BCL11B: variants seen among roughly 807,000 people sequenced by gnomAD.
The protein encoded by BCL11B is B-cell lymphoma/leukemia 11B.
In BCL11B, 8 loss-of-function variants were observed where a neutral mutation model predicts 49.9. That is an observed-to-expected ratio of 0.16 (90% CI 0.09 to 0.29). BCL11B has a LOEUF of 0.29. Among genes scored for constraint, BCL11B ranks in the 10% least tolerant of loss-of-function variants. The probability of loss-of-function intolerance (pLI) is 1.00; values close to 1 mark genes in which losing one functional copy is unlikely to be tolerated. For missense variants in BCL11B, 1,006 were observed against 1,351.0 expected (o/e 0.74, Z 4.00); for synonymous variants, 739 against 637.4 (o/e 1.16, Z -2.40).
At chr14:99,224,277 A>G (rs1888097226) in intron 3 of BCL11B, among the ~76,000 whole-genome samples, 1 of 152,144 alleles carries the variant, frequency 6.6e-6, no homozygotes, top group Non-Finnish European at 1.5e-5. Flanking sequence ...TCTCTGTCCA[A>G]GTTCTGCTAT....
intron 3 of BCL11B, among the ~76,000 whole-genome samples, chr14:99,176,444 G>A (rs935261576): frequency 6.6e-6 from 1 of 152,176 alleles, no homozygotes; most frequent in Non-Finnish European, 1.5e-5. Context: ...TACTTCAATT[G>A]TGTAAGACCC....
At chr14:99,208,010 G>A (rs188486432) in intron 3 of BCL11B, among the ~76,000 whole-genome samples, 2 of 152,198 alleles carry the variant, frequency 1.3e-5, no homozygotes, top group African/African-American at 2.4e-5. Context: ...GATGCACCAC[G>A]CCCAGCACAG....
Position 99,184,251 on chromosome 14 carries a change from C to T in BCL11B, c.641-8056G>A, listed in dbSNP as rs74080338. On this transcript the variant is annotated intron_variant, in intron 3 of 3. Coordinates refer to ENST00000357195, the MANE Select transcript of BCL11B (RefSeq NM_138576.4). This position sits in a 1 kb window ranked among gnomAD's most constrained non-coding sequence, Gnocchi z 6.1. ...CATTCCTGCTTCTTGGAATACCTGC[C>T]GTTTATTCTCTCCCCATAAAATATC... Among the ~76,000 whole-genome samples the T allele has an allele frequency of 0.087, 13,292 of 152,182 alleles. 738 individuals carry two copies. Among genetic ancestry groups the T allele is most frequent in the Non-Finnish European group, 0.12 (8,264 of 67,984 alleles).
intron 3 of BCL11B, among the ~76,000 whole-genome samples, chr14:99,190,854 C>T (rs964586731): frequency 4.6e-5 from 7 of 152,134 alleles, no homozygotes; most frequent in Admixed American, 1.3e-4. Context: ...CCTACAGGTG[C>T]GACTGTGACA....
At chr14:99,182,532 AG>A (rs1313576117) in intron 3 of BCL11B, among the ~76,000 whole-genome samples, 1 of 152,258 alleles carries the variant, frequency 6.6e-6, no homozygotes, top group Non-Finnish European at 1.5e-5. Context: ...CTAGAATTGC[AG>A]TAACTCCATG....
chr14:99,176,773 C>T (rs1188870050), intron 3 of BCL11B, among the ~76,000 whole-genome samples: 2 of 152,240 alleles, frequency 1.3e-5, no homozygotes, highest in East Asian at 3.9e-4. Flanking sequence ...CCCCCGGTTG[C>T]GAGGACCAAA....
At chr14:99,210,836 C>T (rs1196908193) in intron 3 of BCL11B, among the ~76,000 whole-genome samples, 5 of 152,216 alleles carry the variant, frequency 3.3e-5, no homozygotes, top group Admixed American at 1.3e-4. Flanking sequence ...ACCATCACCT[C>T]CTCCTGACTT....
intron 1 of BCL11B, among the ~76,000 whole-genome samples, chr14:99,269,581 G>A (rs1231516908): frequency 6.6e-6 from 1 of 151,200 alleles, no homozygotes; most frequent in Non-Finnish European, 1.5e-5. Context: ...CTGTAACAAA[G>A]GAGAGATGGC....
At chr14:99,233,866 G>C (rs961531544) in intron 2 of BCL11B, among the ~76,000 whole-genome samples, 1 of 152,158 alleles carries the variant, frequency 6.6e-6, no homozygotes, top group Non-Finnish European at 1.5e-5. Flanking sequence ...CCAGGGACCG[G>C]CTCAACTGAG....
chr14:99,270,168 C>T (rs1246737939), intron 1 of BCL11B, among the ~76,000 whole-genome samples: 1 of 152,086 alleles, frequency 6.6e-6, no homozygotes, highest in Non-Finnish European at 1.5e-5. Flanking sequence ...CTGACTTTGC[C>T]CGCCCAGCCA....
At chr14:99,230,615 C>G (rs1888300348) in intron 3 of BCL11B, among the ~76,000 whole-genome samples, 1 of 152,208 alleles carries the variant, frequency 6.6e-6, no homozygotes, top group Non-Finnish European at 1.5e-5. Flanking sequence ...TGGGGAGAAG[C>G]AGGGCAGGTA....
intron 3 of BCL11B, among the ~76,000 whole-genome samples, chr14:99,217,977 T>A (rs1267142993): frequency 6.6e-6 from 1 of 152,036 alleles, no homozygotes; most frequent in East Asian, 1.9e-4. Flanking sequence ...TATTTTCTTT[T>A]AAAATCTGGA....
chr14:99,187,347 T>C (rs1296173409), intron 3 of BCL11B, among the ~76,000 whole-genome samples: 1 of 152,202 alleles, frequency 6.6e-6, no homozygotes. Context: ...AGGTTGTCTT[T>C]AGAGGTCCCG....
intron 3 of BCL11B, among the ~76,000 whole-genome samples, chr14:99,222,145 G>A (rs1888028278): frequency 6.6e-6 from 1 of 152,154 alleles, no homozygotes. Flanking sequence ...CCCCGACCCT[G>A]CCCTCAGGTT....
chr14:99,206,380 C>T (rs942387923), intron 3 of BCL11B, among the ~76,000 whole-genome samples: 1 of 152,134 alleles, frequency 6.6e-6, no homozygotes, highest in African/African-American at 2.4e-5. Context: ...TTCAGCTACC[C>T]GAGGTTAACC....
At chr14:99,188,852 C>CT (rs1473459393) in intron 3 of BCL11B, among the ~76,000 whole-genome samples, 2 of 152,248 alleles carry the variant, frequency 1.3e-5, no homozygotes, top group Non-Finnish European at 2.9e-5. Context: ...GCCGAGTCTG[C>CT]TGTCGGCCCA....
At chr14:99,265,193 T>A (rs946906011) in intron 1 of BCL11B, among the ~76,000 whole-genome samples, 1 of 152,188 alleles carries the variant, frequency 6.6e-6, no homozygotes, top group Non-Finnish European at 1.5e-5. Flanking sequence ...TCCCCATTAA[T>A]AAATACAAAA....
chr14:99,228,810 C>T lies in BCL11B; in HGVS notation c.640+2535G>A, dbSNP rs557274915. ...ACTCCCTGTCCTCCCCACCACCAGA[C>T]TGCAAGCTGCACGAGGGCAGGGACC... On this transcript the variant is annotated intron_variant, in intron 3 of 3. Coordinates refer to ENST00000357195, the MANE Select transcript of BCL11B (RefSeq NM_138576.4). This position sits in a 1 kb window ranked among gnomAD's most constrained non-coding sequence, Gnocchi z 4.8. 1.2e-4 allele frequency among the ~76,000 whole-genome samples: 18 copies of T among 152,358 alleles called. No individual in the cohort carries two copies. The highest frequency in any genetic ancestry group is 4.3e-4 in the African/African-American group (18 of 41,588).
intron 3 of BCL11B, among the ~76,000 whole-genome samples, chr14:99,199,640 CTGTGTGTGTGTGTGTGTGTGTGTGTG>C (rs79328426): frequency 2.7e-5 from 3 of 109,524 alleles, no homozygotes; most frequent in Admixed American, 2.5e-4. Context: ...TGGCTAAATG[CTGTGTGTGTGTGTGTGTGTGTGTGTG>C]TGTGTGTGTG....
Sources: gnomAD v4.1 joint callset for allele counts (sites outside exome capture counted in the v4.1 genomes callset) on GRCh38, gnomAD v4.1.1 for gene constraint, Gnocchi (gnomAD v3.1) non-coding constraint, MANE v1.5 for transcripts, NCBI Gene and HGNC (gene_info 2026-07-23, HGNC 2026-07-21) for gene names.